ITSN1: variants seen among roughly 807,000 people sequenced by gnomAD.
ITSN1 encodes the protein intersectin-1.
ITSN1 carries 58 observed loss-of-function variants against 239.8 expected under a neutral mutation model. The ratio of observed to expected loss-of-function variants is 0.24; its 90% CI spans 0.20 to 0.30. ITSN1 has a LOEUF of 0.30. ITSN1 is among the 10% of genes least tolerant of loss of function. ITSN1 has a pLI of 1.00. For synonymous variants in ITSN1, 780 were observed against 770.8 expected, an observed-to-expected ratio of 1.01 and a Z score of -0.20; for missense variants, 1,558 against 2,103.3, an observed-to-expected ratio of 0.74 and a Z score of 5.07.
At chr21:33,853,541 C>G (rs957624795) in intron 29 of ITSN1, among the ~76,000 whole-genome samples, 1 of 152,224 alleles carries the variant, frequency 6.6e-6, no homozygotes, top group South Asian at 2.1e-4. Context: ...CTTCTGAAAT[C>G]CAAAGCAAGC....
At chr21:33,723,047 A>G (rs984134352) in intron 4 of ITSN1, among the ~76,000 whole-genome samples, 1 of 152,222 alleles carries the variant, frequency 6.6e-6, no homozygotes, top group Non-Finnish European at 1.5e-5. Context: ...TAAAGAAAAT[A>G]TTTGAGAGTT....
At chr21:33,833,578 T>G (rs1172556266) in intron 27 of ITSN1, among the ~76,000 whole-genome samples, 1 of 152,222 alleles carries the variant, frequency 6.6e-6, no homozygotes, top group Non-Finnish European at 1.5e-5. Flanking sequence ...TAAAAAGTAC[T>G]CAGTGAGGGC....
intron 25 of ITSN1, among the ~76,000 whole-genome samples, chr21:33,826,136 A>T (rs2073957961): frequency 6.6e-6 from 1 of 152,206 alleles, no homozygotes; most frequent in South Asian, 2.1e-4. Flanking sequence ...GAGGAATTCA[A>T]CCCCAGAGCA....
intron 5 of ITSN1, among the ~76,000 whole-genome samples, chr21:33,739,428 A>G (rs1421306329): frequency 6.6e-6 from 1 of 152,058 alleles, no homozygotes; most frequent in Non-Finnish European, 1.5e-5. Flanking sequence ...GTAAGCCCCT[A>G]CTGTGTGTCC....
intron 20 of ITSN1, among the ~76,000 whole-genome samples, chr21:33,804,678 G>A (rs371538304): frequency 1.8e-4 from 28 of 152,288 alleles, no homozygotes; most frequent in Middle Eastern, 3.4e-3. Flanking sequence ...TAACATGTTA[G>A]TAGAACATAA....
At chr21:33,837,387 T>C in intron 29 of ITSN1, 1 of 991,520 alleles carries the variant, frequency 1.0e-6, no homozygotes, top group Admixed American at 6.0e-5. Context: ...TTTGCTATTT[T>C]GGTTTTGCAA....
chr21:33,806,870 A>G (rs2072497092), intron 20 of ITSN1, among the ~76,000 whole-genome samples: 2 of 152,178 alleles, frequency 1.3e-5, no homozygotes, highest in South Asian at 2.1e-4. Context: ...TTGTGTTCCT[A>G]TTTCTTGGTC....
rs760289717 is a variant in ITSN1 at position 33,718,887 on chromosome 21, T to A, written c.28+31T>A. 11 of 1,587,098 alleles carry A rather than the reference T, an allele frequency of 6.9e-6. No individual in the cohort carries two copies. The African/African-American group carries it at 1.2e-4, about 17-fold the overall frequency. On this transcript the variant is annotated intron_variant, in intron 2 of 39. Transcript: ENST00000381318. ...TTTTCAGAAATTTCTCTTTTTAATG[T>A]ACTTTGGGACCAGATTTTAAAAACT... is the stretch of plus-strand genomic sequence containing the variant.
At chr21:33,859,261 G>T (rs1409148887) in intron 31 of ITSN1, among the ~76,000 whole-genome samples, 1 of 152,198 alleles carries the variant, frequency 6.6e-6, no homozygotes, top group African/African-American at 2.4e-5. Flanking sequence ...CGGGAAGCTG[G>T]CCCTAGGCTG....
intron 29 of ITSN1, chr21:33,837,580 T>C (rs2074665509): frequency 2.0e-6 from 2 of 985,826 alleles, no homozygotes; most frequent in Admixed American, 6.1e-5. Context: ...TAAAGACGTA[T>C]AGAATGAGCC....
chr21:33,702,570 A>T (rs767187397), intron 1 of ITSN1, among the ~76,000 whole-genome samples: 1 of 152,192 alleles, frequency 6.6e-6, no homozygotes, highest in Non-Finnish European at 1.5e-5. Context: ...TTTATTCCAC[A>T]TGGTTAAATT....
rs2071666635 is a variant in ITSN1 at position 33,797,666 on chromosome 21, TG to T, written c.2182+59del. 7.1e-7 allele frequency: 1 copy of T among 1,409,004 alleles called. No individual in the cohort carries two copies. The highest frequency in any genetic ancestry group is 1.4e-5 in the African/African-American group (1 of 69,906). The allele number at this position is 1,409,004 out of a possible 1,614,324, so 87.3% of individuals were successfully genotyped here. A position where few individuals can be genotyped will look rare whatever the true frequency, so the allele number is the denominator to read the frequency against. ...AGTCATCTTCTCTCCCAGAGCCTCC[TG>T]AAAAATGCCCCTATCTCATCAGTAC... is the stretch of plus-strand genomic sequence containing the variant. On this transcript the variant is annotated intron_variant, in intron 18 of 39. Coordinates refer to ENST00000381318, the MANE Select transcript of ITSN1 (RefSeq NM_003024.3). This position sits in a 1 kb window ranked among gnomAD's most constrained non-coding sequence, Gnocchi z 4.9.
chr21:33,817,088 C>T (rs1291674371), intron 22 of ITSN1: 4 of 1,048,486 alleles, frequency 3.8e-6, no homozygotes, highest in African/African-American at 3.3e-5. Context: ...AAGTAACTCT[C>T]TCTAGGCATT....
chr21:33,875,328 G>A (rs1382192532), intron 33 of ITSN1, 26 bp from the exon 34 acceptor site: 4 of 1,613,848 alleles, frequency 2.5e-6, no homozygotes, highest in African/African-American at 1.3e-5. Context: ...CTAAAAGGAG[G>A]TGGTTGTTTT....
intron 30 of ITSN1, among the ~76,000 whole-genome samples, chr21:33,858,229 T>A (rs1979740205): frequency 6.6e-6 from 1 of 152,182 alleles, no homozygotes; most frequent in South Asian, 2.1e-4. Context: ...CACTGGCTTA[T>A]TAGAGGAGCT....
intron 4 of ITSN1, among the ~76,000 whole-genome samples, chr21:33,732,019 T>C (rs1174500693): frequency 1.3e-5 from 2 of 152,174 alleles, no homozygotes; most frequent in African/African-American, 4.8e-5. Context: ...TCTGGAACAA[T>C]GGGACAACTG....
chr21:33,857,971 C>T (rs188911552), intron 30 of ITSN1, among the ~76,000 whole-genome samples: 10 of 152,288 alleles, frequency 6.6e-5, no homozygotes, highest in Admixed American at 2.6e-4. Flanking sequence ...CCTTCAGAAG[C>T]GCCTCCTGTG....
chr21:33,815,222 A>G (rs2073186585), intron 22 of ITSN1, among the ~76,000 whole-genome samples: 1 of 152,186 alleles, frequency 6.6e-6, no homozygotes. Context: ...AGGTCATCCA[A>G]GGAGAGGGAA....
intron 16 of ITSN1, among the ~76,000 whole-genome samples, chr21:33,791,017 G>A (rs1314375864): frequency 6.6e-6 from 1 of 152,162 alleles, no homozygotes; most frequent in Non-Finnish European, 1.5e-5. Context: ...CTTTGTTCTG[G>A]CAAAGGAAGG....
Sources: allele counts gnomAD v4.1 joint callset (sites outside exome capture counted in the v4.1 genomes callset), GRCh38; gene constraint gnomAD v4.1.1; non-coding constraint Gnocchi (gnomAD v3.1); transcripts MANE v1.5; gene names NCBI Gene and HGNC (gene_info 2026-07-23, HGNC 2026-07-21).